Variants in WFS1 observed in about 807,000 individuals in gnomAD.
WFS1 encodes the protein wolframin.
WFS1 carries 90 observed loss-of-function variants against 68.5 expected under a neutral mutation model. The ratio of observed to expected loss-of-function variants is 1.31; its 90% CI spans 1.11 to 1.56. The LOEUF (loss-of-function observed/expected upper bound fraction) is 1.56, where lower values mean the gene tolerates loss of function less well. WFS1 is among the 40% of genes most tolerant of loss of function. The pLI is 0.00. For synonymous variants in WFS1, 860 were observed against 540.7 expected (o/e 1.59, Z -8.19); for missense variants, 1,767 against 1,232.6 (o/e 1.43, Z -6.49).
chr4:6,284,777 G>A (rs1730264234), intron 2 of WFS1, among the ~76,000 whole-genome samples: 1 of 151,340 alleles, frequency 6.6e-6, no homozygotes, highest in African/African-American at 2.4e-5. Context: ...CTGCTTCGGA[G>A]CAGTGATGTG....
chr4:6,294,945 T>C, intron 6 of WFS1, 96 bp from the exon 7 acceptor site: 1 of 1,598,438 alleles, frequency 6.3e-7, no homozygotes, highest in Non-Finnish European at 8.5e-7. Flanking sequence ...TTTCTTAGCT[T>C]GGCCCCACGC....
intron 7 of WFS1, among the ~76,000 whole-genome samples, chr4:6,298,656 ACACT>A (rs139940077): frequency 0.037 from 5,669 of 152,242 alleles, 158 homozygotes; most frequent in East Asian, 0.085. Context: ...ATGCATGCAC[ACACT>A]CATAACACTT....
chr4:6,280,437 C>A (rs1418702254), intron 2 of WFS1, among the ~76,000 whole-genome samples: 1 of 152,194 alleles, frequency 6.6e-6, no homozygotes, highest in East Asian at 1.9e-4. Context: ...GCTTGTCACA[C>A]CTGGTCCCAG....
chr4:6,275,877 G>T (rs1729979535), intron 1 of WFS1, among the ~76,000 whole-genome samples: 1 of 152,216 alleles, frequency 6.6e-6, no homozygotes, highest in African/African-American at 2.4e-5. Flanking sequence ...AGCGCTGGGT[G>T]TTCAGAGGTG....
At chr4:6,270,980 C>A (rs1729821552) in intron 1 of WFS1, among the ~76,000 whole-genome samples, 1 of 152,200 alleles carries the variant, frequency 6.6e-6, no homozygotes, top group African/African-American at 2.4e-5. Flanking sequence ...CGTCTCTCCT[C>A]ACCTTGGACA....
intron 7 of WFS1, among the ~76,000 whole-genome samples, chr4:6,299,620 G>A (rs1431162986): frequency 9.6e-5 from 2 of 20,808 alleles, no homozygotes; most frequent in African/African-American, 4.3e-4. Flanking sequence ...GGTAGGTTGC[G>A]TGTGTGTGTA....
chr4:6,302,987 C>T lies in WFS1; in HGVS notation c.*519C>T, dbSNP rs1227636218. On this transcript the variant is annotated 3_prime_UTR_variant, in exon 8 of 8. Coordinates refer to ENST00000226760, the MANE Select transcript of WFS1 (RefSeq NM_006005.3). ...TTGAGCCTGTCACGTGGTCAAGGCC[C>T]GGCCCCATCAGAGGCTGGGGGAGGC... 4.1e-5 allele frequency: 7 copies of T among 171,178 alleles called. No individual in the cohort carries two copies. In the South Asian group the frequency reaches 6.9e-4, roughly 17 times the overall value. 10.6% of individuals were successfully genotyped at this position (171,178 alleles called of 1,614,324 possible). A position where few individuals can be genotyped will look rare whatever the true frequency, so the allele number is the denominator to read the frequency against.
In WFS1 at chr4:6,283,596, C is replaced by T. The variant is rs577396623; in HGVS notation, c.233-3497C>T. 6.6e-6 allele frequency among the ~76,000 whole-genome samples: 1 copy of T among 152,344 alleles called. No homozygotes were observed. Among genetic ancestry groups the T allele is most frequent in the South Asian group, 2.1e-4 (1 of 4,830 alleles). On this transcript the variant is annotated intron_variant, in intron 2 of 7. Coordinates refer to ENST00000226760, the MANE Select transcript of WFS1 (RefSeq NM_006005.3). The surrounding 1 kb of genome is among the most constrained non-coding windows in gnomAD (Gnocchi z 5.0). Reference sequence around the variant, plus strand: ...CTTCCACAGTTCAAGCTGGCATCCACGTGCCAAGATGAGCAGAAGGTGAAA... The same window carrying T: ...CTTCCACAGTTCAAGCTGGCATCCATGTGCCAAGATGAGCAGAAGGTGAAA...
chr4:6,302,142 T>C lies in WFS1; in HGVS notation c.2347T>C (p.Phe783Leu), dbSNP rs71526461. The change falls in exon 8 of 8, where the codon TTC (phenylalanine) becomes CTC (leucine). Residue 783 changes from phenylalanine (F) to leucine (L), a missense_variant. Phe to Leu is a conservative substitution (Grantham distance 22). Coordinates refer to ENST00000226760, the MANE Select transcript of WFS1 (RefSeq NM_006005.3). ...YKFEITVGMP[F>L]SSGADGSRSR... ...GTTTGAGATTACCGTGGGCATGCCA[T>C]TCAGCAGCGGCGCTGACGGCTCGCG... 6.9e-5 allele frequency: 111 copies of C among 1,612,846 alleles called. No homozygotes were observed. Among genetic ancestry groups the C allele is most frequent in the East Asian group, 2.2e-4 (10 of 44,886 alleles).
intron 6 of WFS1, among the ~76,000 whole-genome samples, chr4:6,294,213 G>A (rs1730559679): frequency 6.6e-6 from 1 of 152,142 alleles, no homozygotes; most frequent in African/African-American, 2.4e-5. Context: ...TTCCCCTGGA[G>A]GCCCTCCTGG....
At chr4:6,285,598 C>G (rs1401912167) in intron 2 of WFS1, among the ~76,000 whole-genome samples, 1 of 152,228 alleles carries the variant, frequency 6.6e-6, no homozygotes, top group African/African-American at 2.4e-5. Context: ...TTGTCCCAGC[C>G]TCCCTCTGCC....
In WFS1 at chr4:6,295,050, A is replaced by G. The variant is rs1174592876; in HGVS notation, c.722A>G (p.Tyr241Cys). Residue 241 changes from tyrosine to cysteine, a missense_variant, in exon 7 of 8, where the codon TAC (tyrosine) becomes TGC (cysteine). Coordinates refer to ENST00000226760, the MANE Select transcript of WFS1 (RefSeq NM_006005.3). ...TTCTCTCATGCTTCAGCCAAGAACT[A>G]CATCGCGCTGGATGACTTTGTGGAG... ...ERLVSSESKN[Y>C]IALDDFVEIT... The G allele has an allele frequency of 1.9e-6, 3 of 1,613,448 alleles. No homozygotes were observed. Among genetic ancestry groups the G allele is most frequent in the Admixed American group, 1.7e-5 (1 of 60,012 alleles).
At position 6,277,354 on chromosome 4, in the gene WFS1, C is replaced by T; in HGVS notation, c.-5-97C>T. 3 of 1,201,410 alleles carry T rather than the reference C, an allele frequency of 2.5e-6. No individual in the cohort carries two copies. In the South Asian group the frequency reaches 4.0e-5, roughly 16 times the overall value. The allele number at this position is 1,201,410 out of a possible 1,614,324, so 74.4% of individuals were successfully genotyped here. On this transcript the variant is annotated intron_variant, in intron 1 of 7. Coordinates refer to ENST00000226760, the MANE Select transcript of WFS1 (RefSeq NM_006005.3). ...CCTGTATGGAGTGTCTGGCAGCTCC[C>T]ACCTGCCTCCCTCTGCTTTTCTGTC...
At chr4:6,299,870 G>T (rs1185683522) in intron 7 of WFS1, among the ~76,000 whole-genome samples, 10 of 138,572 alleles carry the variant, frequency 7.2e-5, no homozygotes, top group African/African-American at 2.8e-4. Flanking sequence ...TGTGTGTAGG[G>T]GTGGGCTGCA....
chr4:6,281,011 G>T (rs972478644), intron 2 of WFS1, among the ~76,000 whole-genome samples: 13 of 152,296 alleles, frequency 8.5e-5, no homozygotes, highest in African/African-American at 2.9e-4. Flanking sequence ...TGAGACTCTG[G>T]GGCAGTCATA....
chr4:6,291,927 G>A lies in WFS1; in HGVS notation c.642G>A (p.Ala214=), dbSNP rs761245713. 46 of 1,610,146 alleles carry A rather than the reference G, an allele frequency of 2.9e-5. No homozygotes were observed. Among genetic ancestry groups the A allele is most frequent in the Admixed American group, 8.4e-5 (5 of 59,714 alleles). The change falls in exon 6 of 8, where the codon GCG becomes GCA. Residue 214 remains alanine, a synonymous_variant. Transcript: ENST00000226760. ...CCCTGTCCCCTGCAGATGGAGGGGC[G>A]CAGCCAGGCCCCGTGCCCAAGTCCC... ...VGQVNEHDGG[A]QPGPVPKSLQ...
rs2109125737 is a variant in WFS1, at chr4:6,301,138, G to A, written c.1343G>A (p.Ser448Asn). The change falls in exon 8 of 8, where the codon AGC becomes AAC. Residue 448 changes from serine to asparagine, a missense_variant. By Grantham distance (46) the Ser-to-Asn change is conservative. Coordinates refer to ENST00000226760, the MANE Select transcript of WFS1 (RefSeq NM_006005.3). ...ACCGTGACCAGCTACCTGAGCCTGA[G>A]CACCCATGCAGAGCCCTACACGCGC... Reference protein sequence around the residue: ...FFTVTSYLSLSTHAEPYTRRA... With the variant: ...FFTVTSYLSLNTHAEPYTRRA... The A allele has an allele frequency of 1.2e-6, 2 of 1,613,274 alleles. No individual in the cohort carries two copies. Among genetic ancestry groups the A allele is most frequent in the Non-Finnish European group, 8.5e-7 (1 of 1,180,002 alleles).
chr4:6,286,928 T>A (rs1730326877), intron 2 of WFS1, among the ~76,000 whole-genome samples, 165 bp from the exon 3 acceptor site: 2 of 152,240 alleles, frequency 1.3e-5, no homozygotes, highest in African/African-American at 4.8e-5. Flanking sequence ...AGTGGCTTTC[T>A]GGGCATCTTC....
In WFS1 at chr4:6,301,838, C is replaced by G; in HGVS notation, c.2043C>G (p.Thr681=). 6.2e-7 allele frequency: 1 copy of G among 1,613,080 alleles called. No individual in the cohort carries two copies. The highest frequency in any genetic ancestry group is 8.5e-7 in the Non-Finnish European group (1 of 1,179,984). Residue 681 remains threonine, a synonymous_variant, in exon 8 of 8, where the codon ACC becomes ACG. Coordinates refer to ENST00000226760, the MANE Select transcript of WFS1 (RefSeq NM_006005.3). ...ALCGPRAWKE[T]NMARTQILCS... is the part of the protein sequence containing the mutation. ...GCGGGCCACGCGCCTGGAAGGAGAC[C>G]AACATGGCGCGCACCCAGATCCTCT...
Sources: allele counts gnomAD v4.1 joint callset (sites outside exome capture counted in the v4.1 genomes callset), GRCh38; gene constraint gnomAD v4.1.1; non-coding constraint Gnocchi (gnomAD v3.1); transcripts MANE v1.5; gene names NCBI Gene and HGNC (gene_info 2026-07-23, HGNC 2026-07-21).